The following SOX6 variants were observed in gnomAD, a reference collection of about 807,000 sequenced individuals.
SOX6 encodes the protein transcription factor SOX-6.
In SOX6, 11 loss-of-function variants were observed where a neutral mutation model predicts 97.8. The observed-to-expected ratio is 0.11, with a 90% CI of 0.07 to 0.19. The LOEUF (loss-of-function observed/expected upper bound fraction) is 0.19, where lower values mean the gene tolerates loss of function less well. SOX6 is among the 10% of genes least tolerant of loss of function. SOX6 has a pLI of 1.00. For synonymous variants in SOX6, 360 were observed against 371.4 expected (o/e 0.97, Z 0.35); for missense variants, 810 against 1,039.5 (o/e 0.78, Z 3.04).
intron 4 of SOX6, among the ~76,000 whole-genome samples, chr11:16,514,883 T>A (rs1466282898): frequency 1.3e-5 from 2 of 151,836 alleles, no homozygotes; most frequent in Non-Finnish European, 2.9e-5. Context: ...AACTCATCAT[T>A]TTTTATGGCT....
intron 15 of SOX6, among the ~76,000 whole-genome samples, chr11:15,982,788 T>G (rs970241925): frequency 6.6e-6 from 1 of 152,054 alleles, no homozygotes; most frequent in Admixed American, 6.6e-5. Flanking sequence ...ATATTTTTGA[T>G]CCACAATTGG....
In SOX6 at chr11:16,109,573, G is replaced by A. The variant is rs538828882; in HGVS notation, c.898+2230C>T. On this transcript the variant is annotated intron_variant, in intron 7 of 15. Coordinates refer to ENST00000683767, the MANE Select transcript of SOX6 (RefSeq NM_001367873.1). Reference sequence around the variant, plus strand: ...AAAGAAGTTGTATTGTACTTGTCCAGTTTCCAGTCCAATAGAAGTCTCTTC... The same window carrying A: ...AAAGAAGTTGTATTGTACTTGTCCAATTTCCAGTCCAATAGAAGTCTCTTC... Among the ~76,000 whole-genome samples, 13 of 152,208 alleles carry A rather than the reference G, an allele frequency of 8.5e-5. No homozygotes were observed. The South Asian group carries it at 2.3e-3, about 27-fold the overall frequency.
At chr11:16,330,040 G>A (rs546691242) in intron 2 of SOX6, among the ~76,000 whole-genome samples, 29 of 152,226 alleles carry the variant, frequency 1.9e-4, no homozygotes, top group Middle Eastern at 6.8e-3. Flanking sequence ...TGGCCAGTCT[G>A]AACATTCTTC....
chr11:16,509,838 G>A (rs960894384), intron 4 of SOX6, among the ~76,000 whole-genome samples: 2 of 151,972 alleles, frequency 1.3e-5, no homozygotes, highest in Non-Finnish European at 2.9e-5. Flanking sequence ...CTATAAAATA[G>A]GTTGAATCAA....
intron 3 of SOX6, among the ~76,000 whole-genome samples, chr11:16,694,839 A>G (rs1848041486): frequency 6.6e-6 from 1 of 152,194 alleles, no homozygotes; most frequent in Admixed American, 6.5e-5. Context: ...TGGGGAAAAA[A>G]AAGAATGGTT....
intron 3 of SOX6, among the ~76,000 whole-genome samples, chr11:16,272,390 T>C (rs1854284303): frequency 6.6e-6 from 1 of 151,666 alleles, no homozygotes; most frequent in Non-Finnish European, 1.5e-5. Context: ...ATTTCTCTAC[T>C]ACAAAATCTC....
intron 3 of SOX6, among the ~76,000 whole-genome samples, chr11:16,623,433 T>C (rs912227765): frequency 5.3e-5 from 8 of 152,234 alleles, no homozygotes; most frequent in African/African-American, 1.2e-4. Context: ...GCTAATTTGT[T>C]TGAATTCCTT....
intron 13 of SOX6, 149 bp downstream of exon 13, chr11:16,014,793 T>G (rs924992352): frequency 2.7e-6 from 2 of 729,410 alleles, no homozygotes; most frequent in African/African-American, 3.5e-5. Flanking sequence ...CTTACATACA[T>G]ACGTAGTTGA....
At chr11:16,536,681 A>G (rs1022737202) in intron 4 of SOX6, among the ~76,000 whole-genome samples, 1 of 152,178 alleles carries the variant, frequency 6.6e-6, no homozygotes, top group Non-Finnish European at 1.5e-5. Context: ...TCCCATGCCC[A>G]TGAAGCCTTG....
chr11:16,427,170 C>T (rs967945535), intron 1 of SOX6, among the ~76,000 whole-genome samples: 1 of 151,864 alleles, frequency 6.6e-6, no homozygotes, highest in East Asian at 1.9e-4. Context: ...AAGAAGCTAT[C>T]AACAAAGCAA....
At chr11:16,102,007 A>G (rs995744289) in intron 7 of SOX6, among the ~76,000 whole-genome samples, 1 of 151,938 alleles carries the variant, frequency 6.6e-6, no homozygotes, top group Non-Finnish European at 1.5e-5. Flanking sequence ...TCTATTCAAC[A>G]TAGTACTGGA....
At chr11:16,451,499 T>C (rs183280574) in intron 1 of SOX6, among the ~76,000 whole-genome samples, 279 of 152,304 alleles carry the variant, frequency 1.8e-3, no homozygotes, top group Non-Finnish European at 3.4e-3. Flanking sequence ...TCCAGCCACA[T>C]TATGGAGTAA....
rs1181240482 is a variant in SOX6 at position 15,967,067 on chromosome 11, C to T, written c.*5742G>A. On this transcript the variant is annotated 3_prime_UTR_variant, in exon 16 of 16. Transcript: ENST00000683767. Reference sequence around the variant, plus strand: ...AGATTTTTTTTTGATAAACTATTTACATTTTCAGACTTTCAAACATATTCA... The same window carrying T: ...AGATTTTTTTTTGATAAACTATTTATATTTTCAGACTTTCAAACATATTCA... 1 of 152,110 alleles carries T rather than the reference C, an allele frequency of 6.6e-6. No individual in the cohort carries two copies. The highest frequency in any genetic ancestry group is 1.5e-5 in the Non-Finnish European group (1 of 68,022). The allele number at this position is 152,110 out of a possible 1,614,324, so 9.4% of individuals were successfully genotyped here.
At chr11:16,622,661 CATT>C (rs1848562434) in intron 3 of SOX6, among the ~76,000 whole-genome samples, 1 of 152,204 alleles carries the variant, frequency 6.6e-6, no homozygotes, top group Non-Finnish European at 1.5e-5. Flanking sequence ...TTTATCCATT[CATT>C]GACTGATGGG....
intron 3 of SOX6, among the ~76,000 whole-genome samples, chr11:16,261,847 A>G (rs1853908352): frequency 6.6e-6 from 1 of 152,128 alleles, no homozygotes; most frequent in African/African-American, 2.4e-5. Flanking sequence ...AAAGATAATA[A>G]AAGCTGAAAG....
chr11:16,502,905 C>T (rs1291133828), intron 4 of SOX6, among the ~76,000 whole-genome samples: 2 of 152,066 alleles, frequency 1.3e-5, no homozygotes, highest in African/African-American at 4.8e-5. Context: ...AAGGTCTTCT[C>T]CACGGTACAT....
intron 4 of SOX6, among the ~76,000 whole-genome samples, chr11:16,488,328 C>A (rs1049387144): frequency 1.2e-4 from 18 of 151,974 alleles, no homozygotes; most frequent in Non-Finnish European, 2.6e-4. Flanking sequence ...GAGAAGAAAG[C>A]AGATTGTAAA....
intron 1 of SOX6, among the ~76,000 whole-genome samples, chr11:16,400,248 T>C (rs571323170): frequency 6.6e-6 from 1 of 151,484 alleles, no homozygotes; most frequent in Admixed American, 6.6e-5. Flanking sequence ...ATTGAAAAAG[T>C]TTCTGGAAAC....
chr11:16,117,513 C>T (rs1349750281), intron 6 of SOX6, among the ~76,000 whole-genome samples: 4 of 152,106 alleles, frequency 2.6e-5, no homozygotes, highest in African/African-American at 7.2e-5. Context: ...ACAACTTTTC[C>T]CTCTCATAGC....
Sources: allele counts gnomAD v4.1 joint callset (sites outside exome capture counted in the v4.1 genomes callset), GRCh38; gene constraint gnomAD v4.1.1; transcripts MANE v1.5; gene names NCBI Gene and HGNC (gene_info 2026-07-23, HGNC 2026-07-21).